The following CNOT2 variants were observed in gnomAD, a reference collection of about 807,000 sequenced individuals.
CNOT2 encodes the protein CC chemokine receptor 4-negative regulator of transcription 2.
Under a neutral mutation model 72.1 loss-of-function variants are expected in CNOT2, and 7 were observed. That is an observed-to-expected ratio of 0.10 (90% CI 0.06 to 0.18). The LOEUF (loss-of-function observed/expected upper bound fraction) is 0.18. CNOT2 is among the 10% of genes least tolerant of loss of function. CNOT2 has a pLI of 1.00. For missense variants in CNOT2, 345 were observed against 660.3 expected, an observed-to-expected ratio of 0.52 and a Z score of 5.23; for synonymous variants, 196 against 225.6, an observed-to-expected ratio of 0.87 and a Z score of 1.17.
At chr12:70,296,395 T>A (rs893701066) in intron 2 of CNOT2, among the ~76,000 whole-genome samples, 1 of 152,150 alleles carries the variant, frequency 6.6e-6, no homozygotes, top group Non-Finnish European at 1.5e-5. Context: ...GTTAACTATC[T>A]TTGGTATTCA....
At chr12:70,279,311 T>A (rs1869414523) in intron 2 of CNOT2, among the ~76,000 whole-genome samples, 1 of 152,216 alleles carries the variant, frequency 6.6e-6, no homozygotes, top group African/African-American at 2.4e-5. Flanking sequence ...CAAAGAGGCT[T>A]TGATTATAAG....
intron 2 of CNOT2, among the ~76,000 whole-genome samples, chr12:70,289,299 A>G (rs1046254565): frequency 1.3e-5 from 2 of 152,000 alleles, no homozygotes; most frequent in African/African-American, 4.8e-5. Flanking sequence ...CTTATTTCCT[A>G]TGAAAAGTCT....
rs1883171435 is a variant in CNOT2 at position 70,353,853 on chromosome 12, T to C, written c.1561T>C (p.Leu521=). The change falls in exon 16 of 16, where the codon TTA becomes CTA. Residue 521 remains leucine (L), a synonymous_variant. Transcript: ENST00000229195. ...AKEFHLEYDK[L]EERPHLPSTF... is the part of the protein sequence containing the mutation. The stretch of plus-strand genomic sequence containing the variant: ...GGAGTTCCATCTGGAATATGACAAA[T>C]TAGAAGAACGGCCTCACCTGCCATC... 6.2e-7 allele frequency: 1 copy of C among 1,602,066 alleles called. No homozygotes were observed. The highest frequency in any genetic ancestry group is 8.5e-7 in the Non-Finnish European group (1 of 1,177,752).
At chr12:70,303,981 C>T (rs1402203833) in intron 2 of CNOT2, among the ~76,000 whole-genome samples, 3 of 152,240 alleles carry the variant, frequency 2.0e-5, no homozygotes, top group African/African-American at 7.2e-5. Flanking sequence ...GATACCCTTT[C>T]TTCCAGCTGA....
intron 1 of CNOT2, among the ~76,000 whole-genome samples, chr12:70,269,130 G>T (rs181247301): frequency 2.6e-5 from 4 of 152,254 alleles, no homozygotes; most frequent in African/African-American, 9.6e-5. Flanking sequence ...ATTTAGCCCT[G>T]GGTTGTGAAT....
At chr12:70,321,256 G>A (rs1878249461) in intron 4 of CNOT2, among the ~76,000 whole-genome samples, 1 of 151,684 alleles carries the variant, frequency 6.6e-6, no homozygotes, top group South Asian at 2.1e-4. Flanking sequence ...TTCAGGTCAG[G>A]GTGTAATTAT....
At chr12:70,246,129 T>C (rs1381350498) in intron 1 of CNOT2, among the ~76,000 whole-genome samples, 1 of 152,200 alleles carries the variant, frequency 6.6e-6, no homozygotes, top group Admixed American at 6.5e-5. Flanking sequence ...TATGAAATAA[T>C]GAGTAAGCAT....
At chr12:70,292,133 C>G (rs1284284633) in intron 2 of CNOT2, among the ~76,000 whole-genome samples, 1 of 152,122 alleles carries the variant, frequency 6.6e-6, no homozygotes, top group Non-Finnish European at 1.5e-5. Flanking sequence ...ACCACTTCAC[C>G]TGTAATAAGA....
Position 70,276,307 on chromosome 12 carries a change from C to T in CNOT2, c.-95-1825C>T, listed in dbSNP as rs539679010. On this transcript the variant is annotated intron_variant, in intron 1 of 15. Coordinates refer to ENST00000229195, the MANE Select transcript of CNOT2 (RefSeq NM_014515.7). Reference sequence around the variant, plus strand: ...AATTATCTTACCTGATTATAGATTTCCAACATTCTTTTGCTGACATTAATA... The same window carrying T: ...AATTATCTTACCTGATTATAGATTTTCAACATTCTTTTGCTGACATTAATA... Among the ~76,000 whole-genome samples the T allele has an allele frequency of 2.2e-3, 331 of 151,962 alleles. 2 individuals are homozygous for T. Among genetic ancestry groups the T allele is most frequent in the Middle Eastern group, 0.014 (4 of 294 alleles).
intron 15 of CNOT2, among the ~76,000 whole-genome samples, chr12:70,350,443 T>C (rs560304378): frequency 1.3e-5 from 2 of 152,338 alleles, no homozygotes; most frequent in South Asian, 2.1e-4. Context: ...GTATTTAAGA[T>C]AGTTTGCTAC....
At chr12:70,302,311 G>T (rs1035738026) in intron 2 of CNOT2, among the ~76,000 whole-genome samples, 3 of 151,528 alleles carry the variant, frequency 2.0e-5, no homozygotes, top group Admixed American at 6.6e-5. Flanking sequence ...TGATGTTAGG[G>T]TGTCAATTTT....
At chr12:70,296,933 T>C (rs1872910582) in intron 2 of CNOT2, among the ~76,000 whole-genome samples, 1 of 152,210 alleles carries the variant, frequency 6.6e-6, no homozygotes, top group African/African-American at 2.4e-5. Flanking sequence ...GATATACGAA[T>C]ATTCTACTTC....
chr12:70,261,866 AT>A (rs1435090423), intron 1 of CNOT2, among the ~76,000 whole-genome samples: 1 of 151,314 alleles, frequency 6.6e-6, no homozygotes, highest in Non-Finnish European at 1.5e-5. Context: ...AAGTTTTAAA[AT>A]TACTAATGCA....
Position 70,332,773 on chromosome 12 carries a change from T to G in CNOT2, c.576T>G (p.Ser192=). ...SRQPFTVNSM[S]GFGMNRNQAF... Reference sequence around the variant, plus strand: ...CTATTTTCTATGTACCCAGTATGTCTGGATTTGGAATGAACAGGAATCAGG... The same window carrying G: ...CTATTTTCTATGTACCCAGTATGTCGGGATTTGGAATGAACAGGAATCAGG... The change falls in exon 7 of 16, where the codon TCT becomes TCG. Residue 192 remains serine, a synonymous_variant. Transcript: ENST00000229195. 6.2e-7 allele frequency: 1 copy of G among 1,602,762 alleles called. No individual in the cohort carries two copies. The highest frequency in any genetic ancestry group is 1.3e-5 in the African/African-American group (1 of 74,290).
chr12:70,262,277 T>C (rs1958807385), intron 1 of CNOT2, among the ~76,000 whole-genome samples: 2 of 152,208 alleles, frequency 1.3e-5, no homozygotes, highest in Admixed American at 6.5e-5. Context: ...GGTTTTGTTT[T>C]GTTTTGTTTT....
intron 4 of CNOT2, among the ~76,000 whole-genome samples, chr12:70,327,350 A>G (rs911406700): frequency 2.6e-5 from 4 of 151,936 alleles, no homozygotes; most frequent in African/African-American, 7.2e-5. Flanking sequence ...AAAAGAAAGC[A>G]GGGGGAAAAT....
In CNOT2 at chr12:70,353,811, T is replaced by A; in HGVS notation, c.1537-18T>A. The A allele has an allele frequency of 6.3e-7, 1 of 1,597,162 alleles. No individual in the cohort carries two copies. The highest frequency in any genetic ancestry group is 1.2e-5 in the South Asian group (1 of 86,890). ...TGAAAAGGGGAAGATATCTAAATTC[T>A]TGAATTTGTTTTTATAGGAGTTCCA... is the stretch of plus-strand genomic sequence containing the variant. On this transcript the variant is annotated intron_variant, in intron 15 of 15. Coordinates refer to ENST00000229195, the MANE Select transcript of CNOT2 (RefSeq NM_014515.7).
In CNOT2 at chr12:70,318,911, GA is replaced by G. The variant is rs568116381; in HGVS notation, c.172-378del. 3.3e-3 allele frequency: 502 copies of G among 152,752 alleles called. 6 individuals carry two copies. Among genetic ancestry groups the G allele is most frequent in the Admixed American group, 0.025 (389 of 15,444 alleles). The allele number at this position is 152,752 out of a possible 1,614,324, so 9.5% of individuals were successfully genotyped here. A position where few individuals can be genotyped will look rare whatever the true frequency, so the allele number is the denominator to read the frequency against. ...TCTTCAAATAATTTACATCTACAAGGAAAAAAAAATGGATAAATTCAAAGGC... is the reference window on the plus strand; with the variant it reads ...TCTTCAAATAATTTACATCTACAAGGAAAAAAAATGGATAAATTCAAAGGC... On this transcript the variant is annotated intron_variant, in intron 3 of 15. Transcript: ENST00000229195.
intron 2 of CNOT2, among the ~76,000 whole-genome samples, chr12:70,306,554 T>G (rs997453740): frequency 2.6e-5 from 4 of 152,108 alleles, no homozygotes; most frequent in South Asian, 2.1e-4. Flanking sequence ...TCAAAAAAGG[T>G]TTAAGAAACA....
Sources: gnomAD v4.1 joint callset for allele counts (sites outside exome capture counted in the v4.1 genomes callset) on GRCh38, gnomAD v4.1.1 for gene constraint, MANE v1.5 for transcripts, NCBI Gene and HGNC (gene_info 2026-07-23, HGNC 2026-07-21) for gene names.